Variants in PHACTR2 observed in about 807,000 individuals in gnomAD.
PHACTR2 encodes the protein phosphatase and actin regulator 2.
Under a neutral mutation model 76.0 loss-of-function variants are expected in PHACTR2, and 30 were observed. The ratio of observed to expected loss-of-function variants is 0.39; its 90% CI spans 0.30 to 0.54. PHACTR2 has a LOEUF of 0.54. PHACTR2 is among the 20% of genes least tolerant of loss of function. PHACTR2 has a pLI of 0.61. For missense variants in PHACTR2, 696 were observed against 781.1 expected, an observed-to-expected ratio of 0.89 and a Z score of 1.30; for synonymous variants, 292 against 292.5, an observed-to-expected ratio of 1.00 and a Z score of 0.02.
At chr6:143,779,525 T>C (rs1237074847) in intron 9 of PHACTR2, among the ~76,000 whole-genome samples, 1 of 151,982 alleles carries the variant, frequency 6.6e-6, no homozygotes, top group Non-Finnish European at 1.5e-5. Context: ...AATTTTTGTA[T>C]TTTTAGTAGA....
At chr6:143,802,404 C>G (rs1043587630) in intron 11 of PHACTR2, among the ~76,000 whole-genome samples, 1 of 151,958 alleles carries the variant, frequency 6.6e-6, no homozygotes, top group African/African-American at 2.4e-5. Flanking sequence ...TTTGGGTAGG[C>G]CAAGGCGGGA....
In PHACTR2 at chr6:143,648,031, G is replaced by T. The variant is rs1167880122; in HGVS notation, c.13+39709G>T. ...CAGGTAGGATCCTGCCGTGACCCGAGAGAGATGTATGGCTGCGACAGAGCC... is the reference window on the plus strand; with the variant it reads ...CAGGTAGGATCCTGCCGTGACCCGATAGAGATGTATGGCTGCGACAGAGCC... On this transcript the variant is annotated intron_variant, in intron 1 of 11. Coordinates refer to the PHACTR2 transcript ENST00000305766. This position sits in a 1 kb window ranked among gnomAD's most constrained non-coding sequence, Gnocchi z 6.7. Among the ~76,000 whole-genome samples the T allele has an allele frequency of 6.6e-6, 1 of 152,212 alleles. No homozygotes were observed. Among genetic ancestry groups the T allele is most frequent in the Non-Finnish European group, 1.5e-5 (1 of 68,038 alleles).
intron 1 of PHACTR2, among the ~76,000 whole-genome samples, chr6:143,545,907 A>C (rs1357487398): frequency 2.6e-5 from 4 of 152,158 alleles, no homozygotes; most frequent in Non-Finnish European, 1.5e-5. Flanking sequence ...ATAAAGAACA[A>C]ATTTGACTTA....
At position 143,823,493 on chromosome 6, in the gene PHACTR2, A is replaced by G. The variant is rs56090110; in HGVS notation, c.1923-181A>G. The stretch of plus-strand genomic sequence containing the variant: ...ATATATATAAGGAAAGCGTTTATAT[A>G]TGCTTTCCTTAATAATATTTGTAAC... On this transcript the variant is annotated intron_variant, in intron 12 of 12. Coordinates refer to ENST00000440869, the MANE Select transcript of PHACTR2 (RefSeq NM_001100164.2). The surrounding 1 kb of genome is among the most constrained non-coding windows in gnomAD (Gnocchi z 5.7). Among the ~76,000 whole-genome samples the G allele has an allele frequency of 2.4e-3, 362 of 152,344 alleles. 2 individuals are homozygous for G. The highest frequency in any genetic ancestry group is 8.3e-3 in the African/African-American group (347 of 41,576).
At chr6:143,686,174 G>A (rs905051393) in intron 1 of PHACTR2, among the ~76,000 whole-genome samples, 1 of 149,080 alleles carries the variant, frequency 6.7e-6, no homozygotes, top group African/African-American at 2.5e-5. Flanking sequence ...CTTAGACCCA[G>A]TAGTTCTGCT....
At chr6:143,756,585 G>C (rs1779303684) in intron 4 of PHACTR2, among the ~76,000 whole-genome samples, 1 of 151,486 alleles carries the variant, frequency 6.6e-6, no homozygotes, top group Admixed American at 6.6e-5. Context: ...TGTAGTCCCA[G>C]CTACTCGGGA....
Position 143,578,303 on chromosome 6 carries a change from C to T in PHACTR2, c.217+41096C>T, listed in dbSNP as rs1333238250. On this transcript the variant is annotated intron_variant, in intron 1 of 11. Transcript: ENST00000367584. This position sits in a 1 kb window ranked among gnomAD's most constrained non-coding sequence, Gnocchi z 4.5. ...GCAATGCCTCATCCTCCATGTTTCC[C>T]CTTCTAGGATGATCTAGTTTGATTC... 6.6e-6 allele frequency among the ~76,000 whole-genome samples: 1 copy of T among 152,162 alleles called. No individual in the cohort carries two copies. The highest frequency in any genetic ancestry group is 1.5e-5 in the Non-Finnish European group (1 of 68,028).
In PHACTR2 at chr6:143,765,748, C is replaced by G; in HGVS notation, c.1182C>G (p.Thr394=). ...LLWAEEPTNR[T]TLYSGTGLSV... is the part of the protein sequence containing the mutation. ...GGGCTGAAGAGCCGACGAACAGAACCACTCTCTACTCAGGCACTGGCTTAA... is the reference window on the plus strand; with the variant it reads ...GGGCTGAAGAGCCGACGAACAGAACGACTCTCTACTCAGGCACTGGCTTAA... The change falls in exon 6 of 13, where the codon ACC becomes ACG. Residue 394 remains threonine, a synonymous_variant. Transcript: ENST00000440869. This position sits in a 1 kb window ranked among gnomAD's most constrained non-coding sequence, Gnocchi z 4.1. The G allele has an allele frequency of 6.2e-7, 1 of 1,614,188 alleles. No individual in the cohort carries two copies. Among genetic ancestry groups the G allele is most frequent in the Non-Finnish European group, 8.5e-7 (1 of 1,180,012 alleles).
In PHACTR2 at chr6:143,597,519, A is replaced by T. The variant is rs995796082; in HGVS notation, c.217+60312A>T. Among the ~76,000 whole-genome samples, 2 of 152,234 alleles carry T rather than the reference A, an allele frequency of 1.3e-5. No individual in the cohort carries two copies. The highest frequency in any genetic ancestry group is 6.5e-5 in the Admixed American group (1 of 15,282). ...ACATGTTTGGAATAAGGTGTATTAC[A>T]TATGTCATCTTTGCAGAGTTCAGTT... On this transcript the variant is annotated intron_variant, in intron 1 of 11. Coordinates refer to the PHACTR2 transcript ENST00000367584. This position sits in a 1 kb window ranked among gnomAD's most constrained non-coding sequence, Gnocchi z 5.7.
intron 2 of PHACTR2, among the ~76,000 whole-genome samples, chr6:143,734,604 C>T (rs1193296637): frequency 6.6e-6 from 1 of 152,192 alleles, no homozygotes; most frequent in East Asian, 1.9e-4. Flanking sequence ...TTAAAAATCA[C>T]ACACATAGAA....
At chr6:143,645,171 G>A (rs567874496) in intron 1 of PHACTR2, among the ~76,000 whole-genome samples, 4 of 152,106 alleles carry the variant, frequency 2.6e-5, no homozygotes, top group South Asian at 2.1e-4. Context: ...AAAAGAAGTC[G>A]TTATACAAAA....
rs149387018 is a variant in PHACTR2, at chr6:143,717,332, A to G, written c.214+5149A>G. On this transcript the variant is annotated intron_variant, in intron 2 of 12. Transcript: ENST00000440869. Reference sequence around the variant, plus strand: ...CACCAGCTGATCCTCCTTTGCCTGTACTCCTGTTAGGACATGTTTATTTTA... The same window carrying G: ...CACCAGCTGATCCTCCTTTGCCTGTGCTCCTGTTAGGACATGTTTATTTTA... 3.5e-3 allele frequency among the ~76,000 whole-genome samples: 527 copies of G among 151,904 alleles called. 4 individuals are homozygous for G. The highest frequency in any genetic ancestry group is 0.012 in the African/African-American group (479 of 41,396).
rs1252892858 is a variant in PHACTR2 at position 143,783,213 on chromosome 6, A to G, written c.1646-6A>G. 1 of 1,591,916 alleles carries G rather than the reference A, an allele frequency of 6.3e-7. No homozygotes were observed. ...GTCATCACGACTTTCCTCCTTTAAT[A>G]AACAGAAAAGAATGAAGAAGAGGAA... On this transcript the variant is annotated splice_region_variant and splice_polypyrimidine_tract_variant and intron_variant, in intron 9 of 12. Coordinates refer to ENST00000440869, the MANE Select transcript of PHACTR2 (RefSeq NM_001100164.2). The surrounding 1 kb of genome is among the most constrained non-coding windows in gnomAD (Gnocchi z 5.2).
intron 1 of PHACTR2, among the ~76,000 whole-genome samples, chr6:143,577,935 T>G (rs901445623): frequency 1.3e-5 from 2 of 152,188 alleles, no homozygotes; most frequent in African/African-American, 4.8e-5. Context: ...CAATATAATG[T>G]TATAGTAGCA....
chr6:143,603,368 A>C (rs1775834618), upstream of PHACTR2, among the ~76,000 whole-genome samples: 1 of 151,820 alleles, frequency 6.6e-6, no homozygotes, highest in Non-Finnish European at 1.5e-5. Flanking sequence ...TGAATATAAC[A>C]GGGAAAAAAA....
At chr6:143,590,163 GC>G (rs1428690716) in intron 1 of PHACTR2, among the ~76,000 whole-genome samples, 1 of 152,118 alleles carries the variant, frequency 6.6e-6, no homozygotes, top group Non-Finnish European at 1.5e-5. Context: ...ATTTTAGGTA[GC>G]CTTATGTTCA....
chr6:143,579,363 G>A (rs1041277190), intron 1 of PHACTR2, among the ~76,000 whole-genome samples: 1 of 152,094 alleles, frequency 6.6e-6, no homozygotes, highest in African/African-American at 2.4e-5. Context: ...GAGAGGTCCT[G>A]GTTGAAGGAA....
At chr6:143,635,724 T>A (rs1009937227) in intron 1 of PHACTR2, among the ~76,000 whole-genome samples, 2 of 152,228 alleles carry the variant, frequency 1.3e-5, no homozygotes, top group Non-Finnish European at 2.9e-5. Flanking sequence ...CCATTTTACT[T>A]TAAGGTCGTC....
chr6:143,645,170 C>T (rs1157045215), intron 1 of PHACTR2, among the ~76,000 whole-genome samples: 1 of 152,006 alleles, frequency 6.6e-6, no homozygotes, highest in Non-Finnish European at 1.5e-5. Flanking sequence ...GAAAAGAAGT[C>T]GTTATACAAA....
Sources: gnomAD v4.1 joint callset for allele counts (sites outside exome capture counted in the v4.1 genomes callset) on GRCh38, gnomAD v4.1.1 for gene constraint, Gnocchi (gnomAD v3.1) non-coding constraint, MANE v1.5 for transcripts, NCBI Gene and HGNC (gene_info 2026-07-23, HGNC 2026-07-21) for gene names.